CLVS1: variants seen among roughly 807,000 people sequenced by gnomAD.
CLVS1 encodes clavesin 1.
A neutral mutation model predicts 33.1 loss-of-function variants in CLVS1; 10 were observed. The ratio of observed to expected loss-of-function variants is 0.30; its 90% confidence interval spans 0.19 to 0.51. CLVS1 has a LOEUF of 0.51. Among genes scored for constraint, CLVS1 ranks in the 20% least tolerant of loss-of-function variants. The pLI is 0.97. For missense variants in CLVS1, 343 were observed against 433.4 expected (o/e 0.79, Z 1.85); for synonymous variants, 163 against 166.1 (o/e 0.98, Z 0.14).
chr8:61,161,239 A>G (rs962385096), intron 2 of CLVS1, among the ~76,000 whole-genome samples: 2 of 152,198 alleles, frequency 1.3e-5, no homozygotes, highest in African/African-American at 4.8e-5. Flanking sequence ...AAATTTGTAC[A>G]CTTATTATGG....
intron 1 of CLVS1, among the ~76,000 whole-genome samples, chr8:61,087,258 G>GT (rs1224344895): frequency 6.6e-6 from 1 of 152,222 alleles, no homozygotes; most frequent in Non-Finnish European, 1.5e-5. Flanking sequence ...TCCCTGTGCA[G>GT]TGGACCACTG....
At chr8:61,390,722 C>T (rs1814269014) in intron 3 of CLVS1, among the ~76,000 whole-genome samples, 1 of 151,700 alleles carries the variant, frequency 6.6e-6, no homozygotes, top group Admixed American at 6.6e-5. Context: ...GTACTTTAGC[C>T]ATTTTTGATT....
At chr8:61,103,256 G>A (rs1805482399) in intron 1 of CLVS1, among the ~76,000 whole-genome samples, 1 of 151,782 alleles carries the variant, frequency 6.6e-6, no homozygotes, top group Non-Finnish European at 1.5e-5. Context: ...GTGTAAATGA[G>A]GGATAGCAGT....
intron 2 of CLVS1, among the ~76,000 whole-genome samples, chr8:61,250,595 A>T (rs921704502): frequency 6.6e-6 from 1 of 152,062 alleles, no homozygotes; most frequent in Non-Finnish European, 1.5e-5. Flanking sequence ...TATTTCCTTG[A>T]GCAGTGTTTT....
chr8:61,342,382 T>G (rs958639363), intron 2 of CLVS1, among the ~76,000 whole-genome samples: 3 of 152,156 alleles, frequency 2.0e-5, no homozygotes, highest in Non-Finnish European at 4.4e-5. Context: ...CCTCGATGGC[T>G]AAAGCAAAGA....
At chr8:61,073,880 C>T (rs572378400) in intron 1 of CLVS1, among the ~76,000 whole-genome samples, 6 of 151,662 alleles carry the variant, frequency 4.0e-5, no homozygotes, top group South Asian at 4.2e-4. Flanking sequence ...GGCTAGGTGG[C>T]GGGCGCCTGT....
At chr8:61,255,902 A>G (rs1348957021) in intron 2 of CLVS1, among the ~76,000 whole-genome samples, 4 of 152,232 alleles carry the variant, frequency 2.6e-5, no homozygotes, top group African/African-American at 4.8e-5. Flanking sequence ...TGAATTACAT[A>G]TTAGTGCTTT....
At chr8:61,404,130 A>G (rs1265431539) in intron 3 of CLVS1, among the ~76,000 whole-genome samples, 1 of 152,258 alleles carries the variant, frequency 6.6e-6, no homozygotes, top group South Asian at 2.1e-4. Context: ...ACTTAGGGCC[A>G]TATTTTGGGG....
At chr8:61,234,018 G>A (rs1435825153) in intron 2 of CLVS1, among the ~76,000 whole-genome samples, 2 of 152,234 alleles carry the variant, frequency 1.3e-5, no homozygotes, top group Non-Finnish European at 2.9e-5. Flanking sequence ...TCTTTGCCCT[G>A]GAGGAAGTGA....
At chr8:61,316,363 G>A (rs1239297556) in intron 2 of CLVS1, among the ~76,000 whole-genome samples, 1 of 152,152 alleles carries the variant, frequency 6.6e-6, no homozygotes, top group Non-Finnish European at 1.5e-5. Context: ...GGTGGAAGAG[G>A]AGATACCCAG....
intron 1 of CLVS1, among the ~76,000 whole-genome samples, chr8:61,080,985 A>G (rs577520977): frequency 3.3e-5 from 5 of 152,356 alleles, no homozygotes; most frequent in South Asian, 4.1e-4. Flanking sequence ...ACACAAATGT[A>G]TGGAATAAGA....
chr8:61,442,007 G>A (rs1022689959), intron 3 of CLVS1, among the ~76,000 whole-genome samples: 1 of 151,980 alleles, frequency 6.6e-6, no homozygotes, highest in Non-Finnish European at 1.5e-5. Flanking sequence ...TCCTTCTTTT[G>A]TATATCAAGG....
At chr8:61,383,970 G>GAA (rs1813984760) in intron 3 of CLVS1, among the ~76,000 whole-genome samples, 1 of 152,104 alleles carries the variant, frequency 6.6e-6, no homozygotes, top group Non-Finnish European at 1.5e-5. Flanking sequence ...TAAAATATTT[G>GAA]GAAAAAGAGA....
chr8:60,984,749 T>C, the CLVS1 span, among the ~76,000 whole-genome samples: 4 of 152,228 alleles, frequency 2.6e-5, no homozygotes, highest in Non-Finnish European at 5.9e-5. Flanking sequence ...CATTTAATTT[T>C]CCTAGGGACT....
the CLVS1 span, among the ~76,000 whole-genome samples, chr8:61,018,421 G>T: frequency 2.0e-5 from 3 of 152,306 alleles, no homozygotes; most frequent in African/African-American, 7.2e-5. Flanking sequence ...AATGACATTT[G>T]CTTTGAGTTT....
At chr8:61,331,392 G>C (rs1811584680) in intron 2 of CLVS1, among the ~76,000 whole-genome samples, 1 of 151,840 alleles carries the variant, frequency 6.6e-6, no homozygotes, top group Non-Finnish European at 1.5e-5. Context: ...GAAAAATCAT[G>C]TTCTTTCATC....
intron 5 of CLVS1, among the ~76,000 whole-genome samples, chr8:61,462,148 T>G (rs2129607339): frequency 6.6e-6 from 1 of 152,292 alleles, no homozygotes; most frequent in African/African-American, 2.4e-5. Flanking sequence ...CTATAGATGT[T>G]TGGCTATGGA....
At chr8:61,164,496 C>T (rs1806815739) in intron 2 of CLVS1, among the ~76,000 whole-genome samples, 1 of 152,190 alleles carries the variant, frequency 6.6e-6, no homozygotes, top group Admixed American at 6.5e-5. Flanking sequence ...GCCCCAACAT[C>T]TGTCTGACAA....
At chr8:61,101,383 T>C (rs754187050) in intron 1 of CLVS1, among the ~76,000 whole-genome samples, 2 of 152,186 alleles carry the variant, frequency 1.3e-5, no homozygotes, top group Non-Finnish European at 2.9e-5. Flanking sequence ...TCTGTATAGA[T>C]GTTTGTATGT....
Sources: gnomAD v4.1 joint callset for allele counts (sites outside exome capture counted in the v4.1 genomes callset) on GRCh38, gnomAD v4.1.1 for gene constraint, MANE v1.5 for transcripts, NCBI Gene and HGNC (gene_info 2026-07-23, HGNC 2026-07-21) for gene names.